ERICH3: variants seen among roughly 807,000 people sequenced by gnomAD.
ERICH3 encodes the protein glutamate rich 3, also known as glutamate-rich protein 3.
ERICH3 carries 126 observed loss-of-function variants against 131.1 expected under a neutral mutation model. The ratio of observed to expected loss-of-function variants is 0.96; its 90% CI spans 0.83 to 1.11. ERICH3 has a LOEUF of 1.11. Ranked by LOEUF, ERICH3 falls within the 50% of genes most tolerant of loss-of-function variation. ERICH3 has a pLI of 0.00. For synonymous variants in ERICH3, 695 were observed against 644.6 expected (o/e 1.08, Z -1.18); for missense variants, 2,050 against 1,810.7 (o/e 1.13, Z -2.40).
At chr1:74,613,273 G>T (rs539664685) in intron 8 of ERICH3, among the ~76,000 whole-genome samples, 1 of 152,072 alleles carries the variant, frequency 6.6e-6, no homozygotes, top group African/African-American at 2.4e-5. Context: ...GGTTACATGA[G>T]CACTTACTGT....
At chr1:74,594,790 T>A (rs2100569848) in intron 11 of ERICH3, among the ~76,000 whole-genome samples, 1 of 152,232 alleles carries the variant, frequency 6.6e-6, no homozygotes, top group South Asian at 2.1e-4. Flanking sequence ...GACCTTAGTT[T>A]TCAATCATTT....
chr1:74,665,255 A>G (rs1323083172), intron 1 of ERICH3, among the ~76,000 whole-genome samples: 1 of 151,214 alleles, frequency 6.6e-6, no homozygotes, highest in Non-Finnish European at 1.5e-5. Flanking sequence ...GCAGGCCCTC[A>G]CCAGACCCTG....
Position 74,571,459 on chromosome 1 carries a change from T to C in ERICH3, c.4251A>G (p.Ala1417=), listed in dbSNP as rs764938928. Residue 1417 remains alanine, a synonymous_variant, in exon 14 of 15, where the codon GCA becomes GCG. Transcript: ENST00000326665. ...TATATGTCACTGTCATCTCCTCTGCTGCTGGCACTTCCTCCCCACTCCGTG... is the reference window on the plus strand; with the variant it reads ...TATATGTCACTGTCATCTCCTCTGCCGCTGGCACTTCCTCCCCACTCCGTG... ...ELARSGEEVP[A]AEEMTVTYTT... is the part of the protein sequence containing the mutation. 6 of 1,614,138 alleles carry C rather than the reference T, an allele frequency of 3.7e-6. No homozygotes were observed. The Admixed American group carries it at 8.3e-5, about 22-fold the overall frequency.
At chr1:74,577,670 C>T (rs1168391746) in intron 12 of ERICH3, among the ~76,000 whole-genome samples, 1 of 151,926 alleles carries the variant, frequency 6.6e-6, no homozygotes, top group Non-Finnish European at 1.5e-5. Flanking sequence ...ACACAATACA[C>T]AACAGAAGAT....
At chr1:74,665,996 A>G (rs1317013940) in intron 1 of ERICH3, among the ~76,000 whole-genome samples, 2 of 152,152 alleles carry the variant, frequency 1.3e-5, no homozygotes, top group Non-Finnish European at 2.9e-5. Context: ...AAAACCCAAA[A>G]TACCATAACT....
intron 11 of ERICH3, among the ~76,000 whole-genome samples, chr1:74,596,466 T>A (rs574941629): frequency 1.3e-5 from 2 of 152,218 alleles, no homozygotes; most frequent in East Asian, 3.9e-4. Flanking sequence ...CATTCATCAT[T>A]TCTTTGTGGC....
At chr1:74,613,489 A>G (rs1264438180) in intron 8 of ERICH3, among the ~76,000 whole-genome samples, 12 of 152,204 alleles carry the variant, frequency 7.9e-5, no homozygotes, top group Non-Finnish European at 5.9e-5. Context: ...TCTATTGATA[A>G]AGCAGTTAAT....
At chr1:74,583,001 AC>A (rs1394215485) in intron 12 of ERICH3, among the ~76,000 whole-genome samples, 1 of 151,954 alleles carries the variant, frequency 6.6e-6, no homozygotes, top group East Asian at 1.9e-4. Flanking sequence ...ACAATTTTAC[AC>A]ATCCTCTAGG....
At position 74,599,585 on chromosome 1, in the gene ERICH3, A is replaced by T. The variant is rs1413922107; in HGVS notation, c.1726+110T>A. 1.4e-5 allele frequency: 13 copies of T among 958,112 alleles called. No individual in the cohort carries two copies. The East Asian group carries it at 2.5e-4, about 18-fold the overall frequency. 59.4% of individuals were successfully genotyped at this position (958,112 alleles called of 1,614,324 possible). A position where few individuals can be genotyped will look rare whatever the true frequency, so the allele number is the denominator to read the frequency against. On this transcript the variant is annotated intron_variant, in intron 11 of 14. Coordinates refer to ENST00000326665, the MANE Select transcript of ERICH3 (RefSeq NM_001002912.5). ...ACCCCTTATTTAAAAGTTAGAAAACATACATTCAAGAGAAAAAAAAGAGGA... is the reference window on the plus strand; with the variant it reads ...ACCCCTTATTTAAAAGTTAGAAAACTTACATTCAAGAGAAAAAAAAGAGGA...
chr1:74,573,778 G>A (rs889741659), intron 13 of ERICH3, among the ~76,000 whole-genome samples: 5 of 151,966 alleles, frequency 3.3e-5, no homozygotes, highest in Non-Finnish European at 7.4e-5. Context: ...AAAATAAGCA[G>A]CAATAAGCAA....
At chr1:74,641,883 G>A (rs1434058340) in intron 4 of ERICH3, among the ~76,000 whole-genome samples, 1 of 152,084 alleles carries the variant, frequency 6.6e-6, no homozygotes. Context: ...AGTGAAAATT[G>A]TTCAAATAAA....
At chr1:74,576,540 G>A (rs139649495) in intron 13 of ERICH3, among the ~76,000 whole-genome samples, 181 of 152,204 alleles carry the variant, frequency 1.2e-3, no homozygotes, top group Admixed American at 5.2e-3. Context: ...TATTTGCTAT[G>A]AACAATAAAG....
At chr1:74,581,857 G>C (rs528545682) in intron 12 of ERICH3, among the ~76,000 whole-genome samples, 1 of 152,132 alleles carries the variant, frequency 6.6e-6, no homozygotes, top group African/African-American at 2.4e-5. Flanking sequence ...CCTCAAAAAC[G>C]TTAAGCTGAA....
intron 1 of ERICH3, among the ~76,000 whole-genome samples, chr1:74,670,290 T>C (rs1646729027): frequency 6.6e-6 from 1 of 152,198 alleles, no homozygotes; most frequent in Admixed American, 6.5e-5. Context: ...CAAATTTTTA[T>C]ATATTTAGGC....
At chr1:74,610,935 C>T (rs977919567) in intron 9 of ERICH3, among the ~76,000 whole-genome samples, 9 of 152,092 alleles carry the variant, frequency 5.9e-5, no homozygotes, top group Non-Finnish European at 1.5e-5. Context: ...CAAGATACTA[C>T]TCTCTCTAGG....
intron 1 of ERICH3, among the ~76,000 whole-genome samples, chr1:74,651,574 A>C (rs1367198171): frequency 1.3e-5 from 2 of 152,142 alleles, no homozygotes; most frequent in Non-Finnish European, 2.9e-5. Context: ...TCAGCTCCTC[A>C]TTTCAGAAAG....
intron 1 of ERICH3, among the ~76,000 whole-genome samples, chr1:74,652,688 A>G (rs891557706): frequency 6.6e-6 from 1 of 151,962 alleles, no homozygotes; most frequent in Non-Finnish European, 1.5e-5. Flanking sequence ...GTGCTGCTTC[A>G]GGCCTGTGAT....
intron 7 of ERICH3, among the ~76,000 whole-genome samples, chr1:74,627,219 G>A (rs1379886132): frequency 6.6e-6 from 1 of 152,026 alleles, no homozygotes; most frequent in Non-Finnish European, 1.5e-5. Flanking sequence ...GTGTGAAGAT[G>A]ACTACATCTT....
chr1:74,636,695 A>C (rs1268398689), intron 5 of ERICH3, among the ~76,000 whole-genome samples: 2 of 152,216 alleles, frequency 1.3e-5, no homozygotes, highest in East Asian at 3.9e-4. Context: ...CCTCCATTAC[A>C]TTCCTGTATT....
Sources: allele counts gnomAD v4.1 joint callset (sites outside exome capture counted in the v4.1 genomes callset), GRCh38; gene constraint gnomAD v4.1.1; transcripts MANE v1.5; gene names NCBI Gene and HGNC (gene_info 2026-07-23, HGNC 2026-07-21).